Variants in RBFOX1 observed in about 807,000 individuals in gnomAD.
The protein encoded by RBFOX1 is RNA binding fox-1 homolog 1.
In RBFOX1, 8 loss-of-function variants were observed where a neutral mutation model predicts 57.7. The ratio of observed to expected loss-of-function variants is 0.14; its 90% CI spans 0.08 to 0.25. The LOEUF (loss-of-function observed/expected upper bound fraction) is 0.25, where lower values mean the gene tolerates loss of function less well. Among genes scored for constraint, RBFOX1 ranks in the 10% least tolerant of loss-of-function variants. RBFOX1 has a pLI of 1.00. For missense variants in RBFOX1, 611 were observed against 548.5 expected (o/e 1.11, Z -1.14); for synonymous variants, 326 against 222.4 (o/e 1.47, Z -4.15).
intron 1 of RBFOX1, among the ~76,000 whole-genome samples, chr16:6,140,997 A>G (rs1209703691): frequency 6.6e-6 from 1 of 152,150 alleles, no homozygotes; most frequent in African/African-American, 2.4e-5. Flanking sequence ...ACACTGACCC[A>G]CACTGTGACT....
At chr16:6,933,766 T>C (rs532445378) in intron 3 of RBFOX1, among the ~76,000 whole-genome samples, 1 of 152,318 alleles carries the variant, frequency 6.6e-6, no homozygotes, top group South Asian at 2.1e-4. Context: ...GGAAGAAGTA[T>C]GGTCAGAACA....
chr16:5,429,150 C>G (rs1347166055), intron 1 of RBFOX1, among the ~76,000 whole-genome samples: 2 of 152,132 alleles, frequency 1.3e-5, no homozygotes, highest in African/African-American at 4.8e-5. Context: ...GCAGTGTTTT[C>G]TTTTCACTCT....
chr16:6,191,404 C>G (rs2097140943), intron 1 of RBFOX1, among the ~76,000 whole-genome samples: 1 of 152,098 alleles, frequency 6.6e-6, no homozygotes, highest in Admixed American at 6.5e-5. Flanking sequence ...CAGATTTTGA[C>G]TTTGAGTCAC....
intron 1 of RBFOX1, among the ~76,000 whole-genome samples, chr16:5,295,821 G>C (rs1163790413): frequency 6.6e-6 from 1 of 152,178 alleles, no homozygotes; most frequent in African/African-American, 2.4e-5. Flanking sequence ...TTGTACAAGG[G>C]TGTCAGTACC....
intron 1 of RBFOX1, among the ~76,000 whole-genome samples, chr16:5,435,015 G>T (rs2067873241): frequency 6.6e-6 from 1 of 152,114 alleles, no homozygotes; most frequent in African/African-American, 2.4e-5. Context: ...GACTGTCCTT[G>T]CCACCCAAGC....
intron 3 of RBFOX1, among the ~76,000 whole-genome samples, chr16:6,826,337 A>AC (rs1232075281): frequency 2.6e-5 from 4 of 151,632 alleles, no homozygotes; most frequent in Non-Finnish European, 5.9e-5. Context: ...ACATGGGGAG[A>AC]CCCCCTTCTT....
At chr16:5,331,746 C>T (rs2064763160) in intron 1 of RBFOX1, among the ~76,000 whole-genome samples, 1 of 152,352 alleles carries the variant, frequency 6.6e-6, no homozygotes, top group Non-Finnish European at 1.5e-5. Flanking sequence ...TGTAATTCCC[C>T]ATGGGCTCTC....
intron 4 of RBFOX1, among the ~76,000 whole-genome samples, chr16:7,132,563 G>A (rs1215494875): frequency 6.0e-5 from 9 of 150,250 alleles, no homozygotes; most frequent in Admixed American, 3.3e-4. Context: ...ATGGTGAGAG[G>A]CACACATGTT....
chr16:7,339,162 C>A (rs915521108), intron 4 of RBFOX1, among the ~76,000 whole-genome samples: 1 of 152,252 alleles, frequency 6.6e-6, no homozygotes, highest in Middle Eastern at 3.4e-3. Flanking sequence ...CCTCACCAAG[C>A]CTCAGTTTTC....
chr16:7,154,782 G>C (rs770392930), intron 4 of RBFOX1, among the ~76,000 whole-genome samples: 1 of 151,378 alleles, frequency 6.6e-6, no homozygotes, highest in Non-Finnish European at 1.5e-5. Context: ...CAGTGAGTAT[G>C]GGATACATAT....
intron 2 of RBFOX1, among the ~76,000 whole-genome samples, chr16:6,561,968 C>G (rs977032088): frequency 6.6e-6 from 1 of 152,168 alleles, no homozygotes; most frequent in Non-Finnish European, 1.5e-5. Flanking sequence ...CATCATCCAC[C>G]TAGATCTGTT....
intron 1 of RBFOX1, among the ~76,000 whole-genome samples, chr16:6,207,988 C>T (rs2097266460): frequency 6.6e-6 from 1 of 151,660 alleles, no homozygotes; most frequent in African/African-American, 2.4e-5. Flanking sequence ...ATTAATCTCC[C>T]TTAAAATTTT....
At chr16:6,468,962 G>A (rs891302873) in intron 2 of RBFOX1, among the ~76,000 whole-genome samples, 4 of 151,848 alleles carry the variant, frequency 2.6e-5, no homozygotes, top group African/African-American at 9.7e-5. Flanking sequence ...CCCTCAGATA[G>A]GGCCCATTGT....
chr16:7,313,254 G>A (rs983961135), intron 4 of RBFOX1, among the ~76,000 whole-genome samples: 1 of 152,074 alleles, frequency 6.6e-6, no homozygotes, highest in African/African-American at 2.4e-5. Flanking sequence ...GCAATTTTTT[G>A]TTTGTTTGTT....
chr16:6,607,492 T>A (rs2097954062), intron 2 of RBFOX1, among the ~76,000 whole-genome samples: 1 of 145,184 alleles, frequency 6.9e-6, no homozygotes, highest in African/African-American at 2.6e-5. Flanking sequence ...TACTCTTTCT[T>A]CCTCTCTCTC....
Position 5,986,909 on chromosome 16 carries a change from C to T in RBFOX1, c.351+119574C>T, listed in dbSNP as rs115394709. 5.8e-3 allele frequency among the ~76,000 whole-genome samples: 886 copies of T among 152,200 alleles called. 8 individuals are homozygous for T. The highest frequency in any genetic ancestry group is 0.019 in the African/African-American group (801 of 41,516). On this transcript the variant is annotated intron_variant, in intron 4 of 19. Transcript: ENST00000641259. ...ATGCCGAAGCGTACAACTGCCGGAT[C>T]GTGTGGTAATTGGATGTTTAGTTTA...
chr16:7,267,004 A>C (rs2095168867), intron 4 of RBFOX1, among the ~76,000 whole-genome samples: 1 of 152,190 alleles, frequency 6.6e-6, no homozygotes, highest in Middle Eastern at 3.4e-3. Context: ...CAAAACAAAA[A>C]CAAGGTTCAA....
rs191642580 is a variant in RBFOX1 at position 6,516,038 on chromosome 16, C to T, written c.-63-138565C>T. Reference sequence around the variant, plus strand: ...TTATTTTTTGAGACAGAGTCTTGCTCTGTATCCCAGAGCAATGGTACACTC... The same window carrying T: ...TTATTTTTTGAGACAGAGTCTTGCTTTGTATCCCAGAGCAATGGTACACTC... On this transcript the variant is annotated intron_variant, in intron 2 of 15. Coordinates refer to ENST00000550418, the MANE Select transcript of RBFOX1 (RefSeq NM_018723.4). Among the ~76,000 whole-genome samples, 496 of 152,132 alleles carry T rather than the reference C, an allele frequency of 3.3e-3. 3 individuals are homozygous for T. Among genetic ancestry groups the T allele is most frequent in the Non-Finnish European group, 4.6e-3 (310 of 68,000 alleles).
intron 1 of RBFOX1, among the ~76,000 whole-genome samples, chr16:5,279,061 G>A (rs949365753): frequency 1.3e-5 from 2 of 151,922 alleles, no homozygotes; most frequent in Non-Finnish European, 2.9e-5. Flanking sequence ...GTATTGCTTT[G>A]GCTATTTGGG....
Sources: allele counts gnomAD v4.1 joint callset (sites outside exome capture counted in the v4.1 genomes callset), GRCh38; gene constraint gnomAD v4.1.1; transcripts MANE v1.5; gene names NCBI Gene and HGNC (gene_info 2026-07-23, HGNC 2026-07-21).